ABCD4: variants seen among roughly 807,000 people sequenced by gnomAD.
ABCD4 encodes lysosomal cobalamin transporter ABCD4.
In ABCD4, 53 loss-of-function variants were observed where a neutral mutation model predicts 86.3. That is an observed-to-expected ratio of 0.61 (90% CI 0.49 to 0.77). ABCD4 has a LOEUF of 0.77. Ranked by LOEUF, ABCD4 falls within the 30% of genes least tolerant of loss-of-function variation. ABCD4 has a pLI of 0.00. For synonymous variants in ABCD4, 328 were observed against 313.6 expected, an observed-to-expected ratio of 1.05 and a Z score of -0.49; for missense variants, 757 against 764.5, an observed-to-expected ratio of 0.99 and a Z score of 0.12.
Position 74,298,045 on chromosome 14 carries a change from A to T in ABCD4, c.310T>A (p.Cys104Ser). 1 of 1,613,888 alleles carries T rather than the reference A, an allele frequency of 6.2e-7. No homozygotes were observed. The highest frequency in any genetic ancestry group is 1.1e-5 in the South Asian group (1 of 90,978). ...STLKSFDQFT[C>S]NLLYVSWRKD... ...CTCCAGCTCACATACAGCAGGTTGCAGGTGAACTGATCAAAGCTCTTCAGC... is the reference window on the plus strand; with the variant it reads ...CTCCAGCTCACATACAGCAGGTTGCTGGTGAACTGATCAAAGCTCTTCAGC... Residue 104 changes from cysteine (C) to serine (S), a missense_variant, in exon 4 of 19, where the codon TGC (cysteine) becomes AGC (serine). Coordinates refer to ENST00000356924, the MANE Select transcript of ABCD4 (RefSeq NM_005050.4).
intron 3 of ABCD4, 83 bp from the exon 4 acceptor site, chr14:74,298,152 C>A: frequency 6.5e-7 from 1 of 1,547,604 alleles, no homozygotes; most frequent in Non-Finnish European, 8.7e-7. Context: ...CAAGAGCCTC[C>A]GCTGACCCAT....
Position 74,300,263 on chromosome 14 carries a change from C to T in ABCD4, c.44G>A (p.Arg15Lys). The change falls in exon 2 of 19, where the codon AGG (arginine) becomes AAG (lysine). Residue 15 changes from arginine (R) to lysine (K), a missense_variant. By Grantham distance (26) the Arg-to-Lys change is conservative (BLOSUM62 2). Coordinates refer to ENST00000356924, the MANE Select transcript of ABCD4 (RefSeq NM_005050.4). ...GPAPGAGARP[R>K]LDLQFLQRFL... Reference sequence around the variant, plus strand: ...CCGCTGGAGAAATTGCAGATCTAACCTGGGCCTGAAGAGAAGGTGGGGAGG... The same window carrying T: ...CCGCTGGAGAAATTGCAGATCTAACTTGGGCCTGAAGAGAAGGTGGGGAGG... The T allele has an allele frequency of 6.2e-7, 1 of 1,610,918 alleles. No homozygotes were observed. Among genetic ancestry groups the T allele is most frequent in the South Asian group, 1.1e-5 (1 of 90,974 alleles).
At chr14:74,286,930 C>G (rs2079929336) in intron 17 of ABCD4, 114 bp from the exon 18 acceptor site, 1 of 965,236 alleles carries the variant, frequency 1.0e-6, no homozygotes, top group Non-Finnish European at 1.5e-6. Flanking sequence ...GAAAGCTGCT[C>G]TGGCTTCCAG....
chr14:74,298,632 T>C (rs917304876), intron 3 of ABCD4, among the ~76,000 whole-genome samples: 26 of 152,160 alleles, frequency 1.7e-4, no homozygotes, highest in African/African-American at 6.3e-4. Flanking sequence ...CTGTCTTATT[T>C]TGAGAGTAGA....
intron 11 of ABCD4, among the ~76,000 whole-genome samples, chr14:74,290,723 C>CT (rs1449009067): frequency 8.1e-6 from 1 of 123,000 alleles, no homozygotes; most frequent in Admixed American, 9.7e-5. Flanking sequence ...GTCTTGCTGT[C>CT]ACCCAGGCTT....
At chr14:74,292,408 C>A in intron 10 of ABCD4, 32 bp from the exon 11 acceptor site, 1 of 1,612,082 alleles carries the variant, frequency 6.2e-7, no homozygotes, top group South Asian at 1.1e-5. Context: ...GAGGCAGGGT[C>A]TGGGAGCCAG....
intron 8 of ABCD4, 52 bp from the exon 9 acceptor site, chr14:74,292,921 G>C (rs775408689): frequency 6.2e-7 from 1 of 1,612,068 alleles, no homozygotes; most frequent in Non-Finnish European, 8.5e-7. Context: ...ATGCCCTACA[G>C]CGGACACAAC....
At chr14:74,295,633 C>T in intron 6 of ABCD4, 2 of 606,558 alleles carry the variant, frequency 3.3e-6, no homozygotes, top group Non-Finnish European at 5.6e-6. Context: ...CAGACCTTCT[C>T]AGGTATGATT....
intron 14 of ABCD4, 158 bp downstream of exon 14, chr14:74,289,325 C>T (rs765489566): frequency 3.5e-6 from 5 of 1,441,928 alleles, no homozygotes; most frequent in Non-Finnish European, 4.5e-6. Context: ...TGGGTACAGA[C>T]CCCAAAACAG....
chr14:74,288,834 C>G, intron 14 of ABCD4, 69 bp from the exon 15 acceptor site: 1 of 1,575,586 alleles, frequency 6.3e-7, no homozygotes, highest in South Asian at 1.1e-5. Context: ...CAGGGCAAGG[C>G]TGTGCACAGT....
rs369382198 is a variant in ABCD4, at chr14:74,286,734, G to A, written c.1719C>T (p.Phe573=). ...YRIGQQLGMT[F]ISVGHRQSLE... is the part of the protein sequence containing the mutation. Reference sequence around the variant, plus strand: ...GGCTCTGCCGATGTCCCACACTGATGAACGTCATCCCCAGCTGCTGGCCGA... The same window carrying A: ...GGCTCTGCCGATGTCCCACACTGATAAACGTCATCCCCAGCTGCTGGCCGA... Residue 573 remains phenylalanine, a synonymous_variant, in exon 18 of 19, where the codon TTC becomes TTT. Coordinates refer to ENST00000356924, the MANE Select transcript of ABCD4 (RefSeq NM_005050.4). The A allele has an allele frequency of 1.9e-6, 3 of 1,614,012 alleles. No homozygotes were observed. The African/African-American group carries it at 4.0e-5, about 22-fold the overall frequency.
intron 15 of ABCD4, 133 bp from the exon 16 acceptor site, chr14:74,288,392 G>T: frequency 1.2e-6 from 1 of 866,196 alleles, no homozygotes; most frequent in Non-Finnish European, 1.8e-6. Context: ...GGCATACCAA[G>T]GCGGGGGACT....
At chr14:74,296,305 A>C in intron 5 of ABCD4, 28 bp downstream of exon 5, 1 of 1,606,976 alleles carries the variant, frequency 6.2e-7, no homozygotes, top group East Asian at 2.2e-5. Context: ...CTGGGGAAAC[A>C]CCAGGCTGGG....
At chr14:74,287,958 G>C (rs1156398734) in intron 16 of ABCD4, 72 bp from the exon 17 acceptor site, 2 of 1,399,870 alleles carry the variant, frequency 1.4e-6, no homozygotes, top group East Asian at 2.5e-5. Flanking sequence ...GAATGGTCTG[G>C]GTAGGAAGAG....
At chr14:74,290,559 G>A (rs2081224020) in intron 11 of ABCD4, 60 bp from the exon 12 acceptor site, 9 of 1,333,136 alleles carry the variant, frequency 6.8e-6, no homozygotes, top group Non-Finnish European at 9.6e-6. Flanking sequence ...TGCTGTGGGG[G>A]AGGCACTGCT....
rs751104040 is a variant in ABCD4, at chr14:74,298,046, G to C, written c.309C>G (p.Thr103=). 6.2e-7 allele frequency: 1 copy of C among 1,613,928 alleles called. No homozygotes were observed. The highest frequency in any genetic ancestry group is 1.1e-5 in the South Asian group (1 of 90,996). The stretch of plus-strand genomic sequence containing the variant: ...TCCAGCTCACATACAGCAGGTTGCA[G>C]GTGAACTGATCAAAGCTCTTCAGCT... The part of the protein sequence containing the change: ...NSTLKSFDQF[T]CNLLYVSWRK... Residue 103 remains threonine (T), a synonymous_variant, in exon 4 of 19, where the codon ACC becomes ACG. Coordinates refer to ENST00000356924, the MANE Select transcript of ABCD4 (RefSeq NM_005050.4).
At chr14:74,295,317 T>A (rs1483055353) in intron 6 of ABCD4, 119 bp from the exon 7 acceptor site, 3 of 1,162,244 alleles carry the variant, frequency 2.6e-6, no homozygotes, top group Non-Finnish European at 3.7e-6. Flanking sequence ...AAACCGTGGC[T>A]GCCTCAGTCT....
rs762583591 is a variant in ABCD4 at position 74,292,600 on chromosome 14, G to C, written c.979C>G (p.Leu327Val). ...CIYLISCFTQLIDLSTTLSDV... is the reference protein window; with the variant it reads ...CIYLISCFTQVIDLSTTLSDV... ...GAGAGCGTCGTGGACAGGTCGATGA[G>C]CTGGGTGAAGCAGCTGATGAGGTAG... is the stretch of plus-strand genomic sequence containing the variant. Residue 327 changes from leucine (L) to valine (V), a missense_variant, in exon 10 of 19, where the codon CTC (leucine) becomes GTC (valine). Physicochemically the swap from Leu to Val is conservative, Grantham distance 32. Transcript: ENST00000356924. 4 of 1,613,540 alleles carry C rather than the reference G, an allele frequency of 2.5e-6. No individual in the cohort carries two copies. The Admixed American group carries it at 6.7e-5, about 27-fold the overall frequency.
intron 7 of ABCD4, chr14:74,293,746 C>T (rs1281590940): frequency 6.6e-6 from 1 of 152,588 alleles, no homozygotes; most frequent in Non-Finnish European, 1.5e-5. Context: ...TTATCTCTGT[C>T]TTTGAGGAGC....
Sources: gnomAD v4.1 joint callset for allele counts (sites outside exome capture counted in the v4.1 genomes callset) on GRCh38, gnomAD v4.1.1 for gene constraint, MANE v1.5 for transcripts, NCBI Gene and HGNC (gene_info 2026-07-23, HGNC 2026-07-21) for gene names.